Variants in PBRM1 observed in about 807,000 individuals in gnomAD.
PBRM1 encodes the protein protein polybromo-1.
A neutral mutation model predicts 194.5 loss-of-function variants in PBRM1; 27 were observed. The observed-to-expected ratio is 0.14, with a 90% CI of 0.10 to 0.19. The LOEUF (loss-of-function observed/expected upper bound fraction) is 0.19. Ranked by LOEUF, PBRM1 falls within the 10% of genes least tolerant of loss-of-function variation. The pLI is 1.00. For synonymous variants in PBRM1, 655 were observed against 693.2 expected (o/e 0.94, Z 0.87); for missense variants, 1,466 against 2,077.2 (o/e 0.71, Z 5.72).
intron 21 of PBRM1, among the ~76,000 whole-genome samples, chr3:52,577,257 C>T (rs1021759960): frequency 9.2e-5 from 14 of 151,820 alleles, no homozygotes; most frequent in African/African-American, 3.1e-4. Context: ...ATGGTGAAAC[C>T]CCATCTCCAC....
chr3:52,555,023 G>T, intron 26 of PBRM1, 144 bp from the exon 29 acceptor site: 1 of 636,688 alleles, frequency 1.6e-6, no homozygotes, highest in Non-Finnish European at 2.7e-6. Context: ...CAATTATTTT[G>T]CTGCAATAAT....
chr3:52,558,943 G>T (rs1354916544), intron 25 of PBRM1, among the ~76,000 whole-genome samples: 1 of 152,124 alleles, frequency 6.6e-6, no homozygotes, highest in Non-Finnish European at 1.5e-5. Context: ...AATTAACTCT[G>T]TAAGGGAAAA....
At chr3:52,675,774 A>G (rs1041688778) in intron 2 of PBRM1, among the ~76,000 whole-genome samples, 6 of 152,224 alleles carry the variant, frequency 3.9e-5, no homozygotes, top group Non-Finnish European at 7.3e-5. Flanking sequence ...AGAAAAGCAC[A>G]GTCTTTTCAA....
At chr3:52,638,412 G>A (rs1409099177) in intron 10 of PBRM1, among the ~76,000 whole-genome samples, 1 of 150,394 alleles carries the variant, frequency 6.6e-6, no homozygotes, top group Admixed American at 6.6e-5. Context: ...AGGCTGGGGT[G>A]CGATGGCGTG....
At chr3:52,648,267 GT>G (rs769885666) in intron 7 of PBRM1, 76 bp downstream of exon 8, 2 of 837,470 alleles carry the variant, frequency 2.4e-6, no homozygotes, top group Non-Finnish European at 3.9e-6. Context: ...CAATAAAGTT[GT>G]TTTATAAAAA....
chr3:52,545,697 C>A (rs72947557), downstream of PBRM1: 2 of 233,180 alleles, frequency 8.6e-6, no homozygotes, highest in Non-Finnish European at 1.7e-5. Flanking sequence ...ACAGGTTCCC[C>A]TCAGTCCCCC....
At chr3:52,547,817 A>C, downstream of PBRM1, 2 of 387,364 alleles carry the variant, frequency 5.2e-6, no homozygotes, top group Middle Eastern at 6.6e-4. Context: ...CCAATTATGA[A>C]ACTGGTTTTA....
intron 22 of PBRM1, among the ~76,000 whole-genome samples, chr3:52,574,077 CTTAG>C (rs1464544489): frequency 2.0e-5 from 3 of 152,176 alleles, no homozygotes; most frequent in African/African-American, 7.2e-5. Context: ...AACATTTTGT[CTTAG>C]TTTGTTTGTG....
upstream of PBRM1, among the ~76,000 whole-genome samples, chr3:52,683,210 T>A (rs28538043): frequency 4.1e-4 from 60 of 145,670 alleles, no homozygotes; most frequent in East Asian, 1.2e-3. Context: ...CTCAAAAAAA[T>A]AATAAAAAAA....
chr3:52,618,753 C>T (rs1358270193), intron 13 of PBRM1, among the ~76,000 whole-genome samples: 1 of 150,580 alleles, frequency 6.6e-6, no homozygotes, highest in Non-Finnish European at 1.5e-5. Flanking sequence ...TGCCACGACG[C>T]CCTGCTTTTT....
chr3:52,621,550 T>C (rs969725712), intron 13 of PBRM1, among the ~76,000 whole-genome samples: 1 of 152,216 alleles, frequency 6.6e-6, no homozygotes, highest in African/African-American at 2.4e-5. Context: ...AACCATTAAC[T>C]GTGAATAGTT....
At chr3:52,624,902 T>G in intron 13 of PBRM1, 2 of 1,543,416 alleles carry the variant, frequency 1.3e-6, no homozygotes, top group East Asian at 2.4e-5. Flanking sequence ...CACACCTGGA[T>G]AGCCTCCTGA....
In PBRM1 at chr3:52,572,147, C is replaced by T. The variant is rs1195422328; in HGVS notation, c.3691+4394G>A. 3.4e-5 allele frequency among the ~76,000 whole-genome samples: 5 copies of T among 146,916 alleles called. No individual in the cohort carries two copies. In the East Asian group the frequency reaches 5.8e-4, roughly 17 times the overall value. The stretch of plus-strand genomic sequence containing the variant: ...TATTTTTGAAAAAAAAAAAAAAGGC[C>T]CTTTTGTTTTTCCTTTCAAATCTTT... On this transcript the variant is annotated intron_variant, in intron 22 of 29. Transcript: ENST00000296302.
upstream of PBRM1, among the ~76,000 whole-genome samples, chr3:52,683,168 A>T (rs2097239219): frequency 6.6e-6 from 1 of 151,578 alleles, no homozygotes; most frequent in Non-Finnish European, 1.5e-5. Flanking sequence ...GCACCACTGC[A>T]CTCCACCCTG....
Position 52,634,724 on chromosome 3 carries a change from A to T in PBRM1, c.1179T>A (p.Val393=). Residue 393 remains valine (V), a synonymous_variant, in exon 11 of 30, where the codon GTT becomes GTA. Coordinates refer to ENST00000296302, the Ensembl canonical transcript of PBRM1. Reference sequence around the variant, plus strand: ...GCCCTTGGTTATTCCGACAACTCCTAACTGTGTCATAAAGCTGATAAAAAG... The same window carrying T: ...GCCCTTGGTTATTCCGACAACTCCTTACTGTGTCATAAAGCTGATAAAAAG... The T allele has an allele frequency of 1.9e-6, 3 of 1,613,786 alleles. No homozygotes were observed. In the African/African-American group the frequency reaches 4.0e-5, roughly 22 times the overall value.
chr3:52,550,754 C>T, exon 28 of PBRM1: 1 of 1,610,618 alleles, frequency 6.2e-7, no homozygotes, highest in Middle Eastern at 1.7e-4. Context: ...CACCTGTTGT[C>T]CATATGGACT....
intron 15 of PBRM1, among the ~76,000 whole-genome samples, chr3:52,613,311 T>C (rs924026624): frequency 4.0e-5 from 6 of 151,124 alleles, no homozygotes; most frequent in African/African-American, 1.5e-4. Context: ...GTAACAAGTA[T>C]ATACAGGGGT....
intron 22 of PBRM1, among the ~76,000 whole-genome samples, chr3:52,574,267 C>T (rs1295054741): frequency 6.6e-6 from 1 of 152,202 alleles, no homozygotes; most frequent in Non-Finnish European, 1.5e-5. Flanking sequence ...CCCATTCAGA[C>T]AGAGCAGACC....
chr3:52,562,749 C>T (rs1357156333), intron 24 of PBRM1, among the ~76,000 whole-genome samples: 3 of 151,890 alleles, frequency 2.0e-5, no homozygotes, highest in African/African-American at 7.3e-5. Context: ...CTATGTTGCC[C>T]AATGTGGTCT....
Sources: allele counts gnomAD v4.1 joint callset (sites outside exome capture counted in the v4.1 genomes callset), GRCh38; gene constraint gnomAD v4.1.1; transcripts MANE v1.5; gene names NCBI Gene and HGNC (gene_info 2026-07-23, HGNC 2026-07-21).